Variants in CTDSPL2 observed in about 807,000 individuals in gnomAD.
CTDSPL2 encodes CTD small phosphatase-like protein 2.
In CTDSPL2, 5 loss-of-function variants were observed where a neutral mutation model predicts 60.0. The observed-to-expected ratio is 0.08, with a 90% CI of 0.04 to 0.18. The LOEUF (loss-of-function observed/expected upper bound fraction) is 0.18, where lower values mean the gene tolerates loss of function less well. Ranked by LOEUF, CTDSPL2 falls within the 10% of genes least tolerant of loss-of-function variation. CTDSPL2 has a pLI of 1.00. For missense variants in CTDSPL2, 370 were observed against 548.8 expected (o/e 0.67, Z 3.26); for synonymous variants, 186 against 189.3 (o/e 0.98, Z 0.14).
chr15:44,486,693 TA>T lies in CTDSPL2; in HGVS notation c.473del (p.Asn158MetfsTer18). The T allele has an allele frequency of 6.3e-7, 1 of 1,581,612 alleles. No individual in the cohort carries two copies. ...PVFNFFSPAN[K>X]NGTSGSDSPG... ...TCTTCAACTTTTTTTCACCAGCAAA[TA>T]AAAATGGTAAGTATAAACTGTTAAC... On this transcript the variant is annotated frameshift_variant, in exon 4 of 13. Transcript: ENST00000260327. LOFTEE classifies it high-confidence loss of function.
intron 1 of CTDSPL2, among the ~76,000 whole-genome samples, chr15:44,442,413 C>T (rs2080108309): frequency 6.7e-6 from 1 of 148,926 alleles, no homozygotes; most frequent in Non-Finnish European, 1.5e-5. Context: ...TGCCACTGCA[C>T]TCCAGCCTGG....
intron 8 of CTDSPL2, among the ~76,000 whole-genome samples, chr15:44,513,086 A>T (rs188856581): frequency 6.6e-6 from 1 of 151,382 alleles, no homozygotes; most frequent in Non-Finnish European, 1.5e-5. Flanking sequence ...AAAAAAAAAA[A>T]CTAATAGGAT....
intron 1 of CTDSPL2, among the ~76,000 whole-genome samples, chr15:44,456,868 TTTTTTTTTTG>T (rs2080456069): frequency 6.8e-6 from 1 of 147,988 alleles, no homozygotes; most frequent in Non-Finnish European, 1.5e-5. Flanking sequence ...TTTTTTTTCT[TTTTTTTTTTG>T]TTTTTTTTTC....
At chr15:44,471,363 T>C (rs187037419) in intron 2 of CTDSPL2, among the ~76,000 whole-genome samples, 1 of 152,222 alleles carries the variant, frequency 6.6e-6, no homozygotes, top group Non-Finnish European at 1.5e-5. Flanking sequence ...TTTATTGAGA[T>C]ATAATTTATA....
chr15:44,478,000 G>A (rs1480205675), intron 2 of CTDSPL2, among the ~76,000 whole-genome samples: 2 of 152,082 alleles, frequency 1.3e-5, no homozygotes, highest in Non-Finnish European at 2.9e-5. Context: ...TTAGTTTTAT[G>A]TCTACATTTT....
chr15:44,472,874 C>T lies in CTDSPL2; in HGVS notation c.187-11350C>T, dbSNP rs145003393. 4.1e-3 allele frequency among the ~76,000 whole-genome samples: 618 copies of T among 152,276 alleles called. 3 individuals carry two copies. Among genetic ancestry groups the T allele is most frequent in the African/African-American group, 0.014 (596 of 41,560 alleles). ...GAGACAGGGTTTCACCGGCCCAGGC[C>T]GGTTTTGAATTCCTGACCTCAGGTG... On this transcript the variant is annotated intron_variant, in intron 2 of 12. Coordinates refer to ENST00000260327, the MANE Select transcript of CTDSPL2 (RefSeq NM_016396.3).
At chr15:44,458,457 A>C (rs193113683) in intron 1 of CTDSPL2, among the ~76,000 whole-genome samples, 10 of 152,352 alleles carry the variant, frequency 6.6e-5, no homozygotes, top group African/African-American at 1.7e-4. Flanking sequence ...AATGATCCAC[A>C]TTCTGTTGTT....
At position 44,524,343 on chromosome 15, in the gene CTDSPL2, A is replaced by G. The variant is rs1595788569; in HGVS notation, c.*169A>G. 4.9e-6 allele frequency: 3 copies of G among 610,084 alleles called. No individual in the cohort carries two copies. The highest frequency in any genetic ancestry group is 2.0e-5 in the South Asian group (1 of 50,978). The allele number at this position is 610,084 out of a possible 1,614,324, so 37.8% of individuals were successfully genotyped here. On this transcript the variant is annotated 3_prime_UTR_variant, in exon 13 of 13. Transcript: ENST00000260327. ...AGGGTTACAGAAAGAGACTTTATCT[A>G]TCTCAGATCGAATACATATAGTAGG... is the stretch of plus-strand genomic sequence containing the variant.
chr15:44,527,303 A>AAC lies in CTDSPL2; in HGVS notation c.*3130_*3131insCA, dbSNP rs2081890740. ...TTTTTTTTTCCAAGGGTTAACATAG[A>AAC]ATGTTTTTTTTAAAAAATTATCTTT... On this transcript the variant is annotated 3_prime_UTR_variant, in exon 13 of 13. Coordinates refer to ENST00000260327, the MANE Select transcript of CTDSPL2 (RefSeq NM_016396.3). 6.6e-6 allele frequency: 1 copy of AAC among 152,278 alleles called. No homozygotes were observed. The highest frequency in any genetic ancestry group is 1.9e-4 in the East Asian group (1 of 5,190). The allele number at this position is 152,278 out of a possible 1,614,324, so 9.4% of individuals were successfully genotyped here. A position where few individuals can be genotyped will look rare whatever the true frequency, so the allele number is the denominator to read the frequency against.
intron 1 of CTDSPL2, chr15:44,448,687 C>G (rs1363253477): frequency 3.1e-6 from 1 of 325,240 alleles, no homozygotes; most frequent in East Asian, 9.5e-5. Context: ...CTAATTTCTG[C>G]AGGCCCTGTT....
intron 3 of CTDSPL2, among the ~76,000 whole-genome samples, chr15:44,485,114 G>A (rs1322542908): frequency 6.6e-6 from 1 of 152,104 alleles, no homozygotes; most frequent in Admixed American, 6.6e-5. Context: ...AGACCTTTTT[G>A]GTTGTCACAA....
intron 1 of CTDSPL2, among the ~76,000 whole-genome samples, chr15:44,442,842 A>T (rs1179440443): frequency 1.3e-5 from 2 of 152,064 alleles, no homozygotes; most frequent in Non-Finnish European, 2.9e-5. Context: ...TGGGCGTAGT[A>T]GTGCATGCCT....
chr15:44,446,443 C>T (rs929724300), intron 1 of CTDSPL2, among the ~76,000 whole-genome samples: 4 of 151,922 alleles, frequency 2.6e-5, no homozygotes, highest in Admixed American at 2.0e-4. Context: ...CCCTGGCCAA[C>T]ATGGCAAAAC....
At chr15:44,476,686 G>C (rs1003790502) in intron 2 of CTDSPL2, among the ~76,000 whole-genome samples, 1 of 152,098 alleles carries the variant, frequency 6.6e-6, no homozygotes, top group Non-Finnish European at 1.5e-5. Flanking sequence ...CGAACAGGTG[G>C]GTTGCCTAGA....
chr15:44,502,130 C>A (rs935611580), intron 8 of CTDSPL2: 1 of 238,764 alleles, frequency 4.2e-6, no homozygotes. Context: ...ACTGCATATA[C>A]TCTTATTTTT....
rs2081838983 is a variant in CTDSPL2 at position 44,524,331 on chromosome 15, G to A, written c.*157G>A. 9.5e-6 allele frequency: 6 copies of A among 630,480 alleles called. No individual in the cohort carries two copies. Among genetic ancestry groups the A allele is most frequent in the Non-Finnish European group, 1.7e-5 (6 of 355,816 alleles). The allele number at this position is 630,480 out of a possible 1,614,324, so 39.1% of individuals were successfully genotyped here. A position where few individuals can be genotyped will look rare whatever the true frequency, so the allele number is the denominator to read the frequency against. The stretch of plus-strand genomic sequence containing the variant: ...CAATAATAATTAAGGGTTACAGAAA[G>A]AGACTTTATCTATCTCAGATCGAAT... On this transcript the variant is annotated 3_prime_UTR_variant, in exon 13 of 13. Transcript: ENST00000260327.
chr15:44,511,194 C>T (rs1050527562), intron 8 of CTDSPL2, among the ~76,000 whole-genome samples: 8 of 152,290 alleles, frequency 5.3e-5, no homozygotes, highest in Middle Eastern at 3.4e-3. Flanking sequence ...TCTTTCCATT[C>T]TCATAGTAAA....
At chr15:44,448,843 G>A (rs1403642899) in intron 1 of CTDSPL2, 18 of 383,860 alleles carry the variant, frequency 4.7e-5, no homozygotes, top group South Asian at 2.7e-4. Context: ...GGTCTCATCC[G>A]TCTTTACCTG....
At chr15:44,517,913 A>G (rs140327164) in intron 10 of CTDSPL2, among the ~76,000 whole-genome samples, 2 of 152,350 alleles carry the variant, frequency 1.3e-5, no homozygotes, top group Non-Finnish European at 2.9e-5. Flanking sequence ...AGAACTGACT[A>G]AACTTTCCCG....
Sources: gnomAD v4.1 joint callset for allele counts (sites outside exome capture counted in the v4.1 genomes callset) on GRCh38, gnomAD v4.1.1 for gene constraint, MANE v1.5 for transcripts, NCBI Gene and HGNC (gene_info 2026-07-23, HGNC 2026-07-21) for gene names.